The following PIK3R4 variants were observed in gnomAD, a reference collection of about 807,000 sequenced individuals.
The protein encoded by PIK3R4 is phosphoinositide-3-kinase regulatory subunit 4.
A neutral mutation model predicts 136.5 loss-of-function variants in PIK3R4; 46 were observed. The ratio of observed to expected loss-of-function variants is 0.34; its 90% CI spans 0.27 to 0.43. The LOEUF is 0.43. Among genes scored for constraint, PIK3R4 ranks in the 20% least tolerant of loss-of-function variants. The probability of loss-of-function intolerance (pLI) is 1.00; values close to 1 mark genes in which losing one functional copy is unlikely to be tolerated. For missense variants in PIK3R4, 1,331 were observed against 1,649.5 expected (o/e 0.81, Z 3.35); for synonymous variants, 557 against 566.7 (o/e 0.98, Z 0.24).
At chr3:130,729,668 A>G (rs373906633) in intron 5 of PIK3R4, among the ~76,000 whole-genome samples, 1 of 152,186 alleles carries the variant, frequency 6.6e-6, no homozygotes, top group East Asian at 1.9e-4. Flanking sequence ...AAATGGTGCC[A>G]TTCTAACAAG....
chr3:130,723,266 C>G lies in PIK3R4; in HGVS notation c.1981+148G>C. 9.2e-6 allele frequency: 6 copies of G among 655,308 alleles called. No individual in the cohort carries two copies. The South Asian group carries it at 9.9e-5, about 11-fold the overall frequency. The allele number at this position is 655,308 out of a possible 1,614,324, so 40.6% of individuals were successfully genotyped here. A position where few individuals can be genotyped will look rare whatever the true frequency, so the allele number is the denominator to read the frequency against. On this transcript the variant is annotated intron_variant, in intron 7 of 19. Transcript: ENST00000356763. ...ACATACATATAAGCATGCACACATA[C>G]ACATACACACATGCACACCCACACA... is the stretch of plus-strand genomic sequence containing the variant.
At position 130,741,925 on chromosome 3, in the gene PIK3R4, G is replaced by A. The variant is rs116993830; in HGVS notation, c.733+2561C>T. On this transcript the variant is annotated intron_variant, in intron 2 of 19. Transcript: ENST00000356763. ...TATATGGTAAGTCCTCAACGGTATC[G>A]ATGGGTTCTTGGAAACTGCAACTTT... 9.0e-3 allele frequency among the ~76,000 whole-genome samples: 1,368 copies of A among 152,290 alleles called. 19 individuals carry two copies. Among genetic ancestry groups the A allele is most frequent in the East Asian group, 0.053 (273 of 5,184 alleles).
At chr3:130,721,968 T>C (rs1430703750) in intron 7 of PIK3R4, among the ~76,000 whole-genome samples, 9 of 151,998 alleles carry the variant, frequency 5.9e-5, no homozygotes, top group Non-Finnish European at 1.3e-4. Context: ...TCACAAAGTA[T>C]ATATATATAT....
chr3:130,694,526 C>T (rs2066536052), intron 13 of PIK3R4, among the ~76,000 whole-genome samples: 1 of 151,912 alleles, frequency 6.6e-6, no homozygotes, highest in Non-Finnish European at 1.5e-5. Flanking sequence ...GTATTTTGTT[C>T]ATTTTGATAC....
At chr3:130,706,351 G>A (rs1357909903) in intron 11 of PIK3R4, among the ~76,000 whole-genome samples, 1 of 152,116 alleles carries the variant, frequency 6.6e-6, no homozygotes, top group African/African-American at 2.4e-5. Context: ...CTAACACAAA[G>A]CCTATTTTAT....
chr3:130,684,480 AT>A (rs926064932), intron 15 of PIK3R4, 99 bp from the exon 16 acceptor site: 285 of 1,107,504 alleles, frequency 2.6e-4, no homozygotes, highest in African/African-American at 1.4e-3. Flanking sequence ...TTATGAATTT[AT>A]TTGAAAAATG....
intron 3 of PIK3R4, 128 bp from the exon 4 acceptor site, chr3:130,734,258 G>A (rs560527274): frequency 1.4e-6 from 1 of 698,132 alleles, no homozygotes; most frequent in African/African-American, 1.8e-5. Flanking sequence ...AGTGATTTGT[G>A]ACTCCATCAT....
intron 4 of PIK3R4, 37 bp downstream of exon 4, chr3:130,733,511 T>A (rs754294954): frequency 2.9e-6 from 4 of 1,383,474 alleles, no homozygotes; most frequent in Non-Finnish European, 4.1e-6. Flanking sequence ...ACTTAAAAAA[T>A]ATCTAAGTGG....
Position 130,744,952 on chromosome 3 carries a change from T to C in PIK3R4, c.267A>G (p.Lys89=). 1.2e-6 allele frequency: 2 copies of C among 1,614,240 alleles called. No homozygotes were observed. The highest frequency in any genetic ancestry group is 1.7e-6 in the Non-Finnish European group (2 of 1,180,048). The change falls in exon 2 of 20, where the codon AAA becomes AAG. Residue 89 remains lysine (K), a synonymous_variant. Coordinates refer to ENST00000356763, the MANE Select transcript of PIK3R4 (RefSeq NM_014602.3). ...CTTTCTCAGATGCTTTTTCTGATGCTTTCTGGAAAGGTAGACAATTCTGTG... is the reference window on the plus strand; with the variant it reads ...CTTTCTCAGATGCTTTTTCTGATGCCTTCTGGAAAGGTAGACAATTCTGTG... ...NSAQNCLPFQ[K]ASEKASEKAA...
chr3:130,717,091 C>T (rs752799283), intron 8 of PIK3R4, among the ~76,000 whole-genome samples: 17 of 152,238 alleles, frequency 1.1e-4, no homozygotes, highest in Non-Finnish European at 1.8e-4. Flanking sequence ...AAAAGGAATA[C>T]ATTCCTTGTC....
chr3:130,740,823 G>GA (rs2066818223), intron 2 of PIK3R4, among the ~76,000 whole-genome samples: 1 of 152,136 alleles, frequency 6.6e-6, no homozygotes, highest in Non-Finnish European at 1.5e-5. Flanking sequence ...TAAGGTTAGG[G>GA]AAAAAATGGG....
At chr3:130,713,702 T>C (rs2066644854) in intron 9 of PIK3R4, among the ~76,000 whole-genome samples, 1 of 152,158 alleles carries the variant, frequency 6.6e-6, no homozygotes, top group Admixed American at 6.5e-5. Context: ...AGATAGAGTC[T>C]TGCTCTGTCA....
intron 13 of PIK3R4, among the ~76,000 whole-genome samples, chr3:130,698,091 TC>T (rs1293008908): frequency 1.3e-5 from 2 of 152,208 alleles, no homozygotes; most frequent in African/African-American, 4.8e-5. Context: ...TTATAGAACA[TC>T]CCTTGTATGT....
At chr3:130,699,135 A>T (rs1307769324) in intron 13 of PIK3R4, among the ~76,000 whole-genome samples, 1 of 152,218 alleles carries the variant, frequency 6.6e-6, no homozygotes, top group Non-Finnish European at 1.5e-5. Context: ...AGAATAGATC[A>T]AAACTTTTCA....
Position 130,718,475 on chromosome 3 carries a change from C to T in PIK3R4, c.2041G>A (p.Val681Met), listed in dbSNP as rs747961155. The change falls in exon 8 of 20, where the codon GTG (valine) becomes ATG (methionine). Residue 681 changes from valine to methionine, a missense_variant. Physicochemically the swap from Val to Met is conservative, Grantham distance 21 (BLOSUM62 1). This residue lies in a region of PIK3R4 where 1,180 missense variants were observed against 1,407.0 expected (regional missense o/e 0.84). Coordinates refer to ENST00000356763, the MANE Select transcript of PIK3R4 (RefSeq NM_014602.3). ...GCTGTACTTATTTGACGAGCTACCA[C>T]TGTGATAAATCCCACGGCACCATAA... ...IRYGAVGFIT[V>M]VARQISTADV... 17 of 1,613,826 alleles carry T rather than the reference C, an allele frequency of 1.1e-5. No individual in the cohort carries two copies. The South Asian group carries it at 1.5e-4, about 15-fold the overall frequency.
intron 6 of PIK3R4, among the ~76,000 whole-genome samples, chr3:130,724,590 T>C (rs1393087432): frequency 6.6e-6 from 1 of 152,054 alleles, no homozygotes; most frequent in Non-Finnish European, 1.5e-5. Flanking sequence ...GAATTCTCAA[T>C]TCTCAACTAA....
At chr3:130,696,128 G>C (rs1310640578) in intron 13 of PIK3R4, among the ~76,000 whole-genome samples, 1 of 151,716 alleles carries the variant, frequency 6.6e-6, no homozygotes, top group African/African-American at 2.4e-5. Context: ...CAGTAGTAAT[G>C]TGCCCCCTTC....
At chr3:130,683,465 T>C (rs146359280) in intron 16 of PIK3R4, among the ~76,000 whole-genome samples, 40 of 152,188 alleles carry the variant, frequency 2.6e-4, no homozygotes, top group African/African-American at 9.1e-4. Context: ...CCAAGAGAAA[T>C]GTCCTTGAAA....
intron 9 of PIK3R4, among the ~76,000 whole-genome samples, chr3:130,715,756 T>C (rs1421679366): frequency 6.6e-6 from 1 of 152,210 alleles, no homozygotes; most frequent in Non-Finnish European, 1.5e-5. Flanking sequence ...CCTCTTTAAT[T>C]AGATCCATTT....
Sources: gnomAD v4.1 joint callset for allele counts (sites outside exome capture counted in the v4.1 genomes callset) on GRCh38, gnomAD v4.1.1 for gene constraint, gnomAD v4.1.1 regional missense constraint, MANE v1.5 for transcripts, NCBI Gene and HGNC (gene_info 2026-07-23, HGNC 2026-07-21) for gene names.